Variants in CATSPER1 observed in about 807,000 individuals in gnomAD.
CATSPER1 encodes the protein cation channel sperm associated 1.
In CATSPER1, 57 loss-of-function variants were observed where a neutral mutation model predicts 72.7. That is an observed-to-expected ratio of 0.78 (90% CI 0.63 to 0.98). CATSPER1 has a LOEUF of 0.98. CATSPER1 is among the 50% of genes least tolerant of loss of function. The probability of loss-of-function intolerance (pLI) is 0.00; values close to 1 mark genes in which losing one functional copy is unlikely to be tolerated. For synonymous variants in CATSPER1, 363 were observed against 403.0 expected, an observed-to-expected ratio of 0.90 and a Z score of 1.19; for missense variants, 910 against 1,033.9, an observed-to-expected ratio of 0.88 and a Z score of 1.64.
rs1157949209 is a variant in CATSPER1, at chr11:66,022,856, G to T, written c.1422C>A (p.Ile474=). ...GGACTCCCTGGCTCTTACCGCCCCG[G>T]ATCTCGACTTCAGCGAAGGTCTGGG... The part of the protein sequence containing the change: ...LVAQTFAEVE[I]RGEWYFMALD... Residue 474 remains isoleucine (I), a synonymous_variant, in exon 2 of 12, where the codon ATC becomes ATA. Coordinates refer to ENST00000312106, the MANE Select transcript of CATSPER1 (RefSeq NM_053054.4). The T allele has an allele frequency of 1.9e-6, 3 of 1,614,214 alleles. No individual in the cohort carries two copies. Among genetic ancestry groups the T allele is most frequent in the Non-Finnish European group, 2.5e-6 (3 of 1,180,034 alleles).
Position 66,020,751 on chromosome 11 carries a change from G to T in CATSPER1, c.1927+60C>A. The T allele has an allele frequency of 6.2e-7, 1 of 1,610,774 alleles. No homozygotes were observed. Among genetic ancestry groups the T allele is most frequent in the African/African-American group, 1.3e-5 (1 of 74,966 alleles). On this transcript the variant is annotated intron_variant, in intron 6 of 11. Transcript: ENST00000312106. This position sits in a 1 kb window ranked among gnomAD's most constrained non-coding sequence, Gnocchi z 4.5. Reference sequence around the variant, plus strand: ...CCCACTTTGCCGATGGGGTCACTGAGCCCTGGCCGGTCCACCCCGCCAATC... The same window carrying T: ...CCCACTTTGCCGATGGGGTCACTGATCCCTGGCCGGTCCACCCCGCCAATC...
At position 66,025,271 on chromosome 11, in the gene CATSPER1, AT is replaced by A. The variant is rs753918188; in HGVS notation, c.1108del (p.Ile370SerfsTer60). On this transcript the variant is annotated frameshift_variant, in exon 1 of 12. Coordinates refer to ENST00000312106, the MANE Select transcript of CATSPER1 (RefSeq NM_053054.4). LOFTEE classifies it high-confidence loss of function. ...GGACATCTGGGTGACACGTGAGCGG[AT>A]TGTGCTGGAGGACCGAGTCATGCTG... ...AHSMTRSSST[I>X]RSRVTQMSKK... The A allele has an allele frequency of 1.2e-6, 2 of 1,613,996 alleles. No individual in the cohort carries two copies. Among genetic ancestry groups the A allele is most frequent in the Non-Finnish European group, 1.7e-6 (2 of 1,179,996 alleles).
At chr11:66,023,596 G>A (rs535854105) in intron 1 of CATSPER1, among the ~76,000 whole-genome samples, 2 of 151,868 alleles carry the variant, frequency 1.3e-5, no homozygotes, top group Admixed American at 6.6e-5. Context: ...TGTAATCCCA[G>A]CACTTTGGGA....
rs1478105134 is a variant in CATSPER1, at chr11:66,021,488, C to T, written c.1691+8G>A. On this transcript the variant is annotated splice_region_variant and intron_variant, in intron 4 of 11. Coordinates refer to ENST00000312106, the MANE Select transcript of CATSPER1 (RefSeq NM_053054.4). ...TCCCCACCCCAGGTGGGAGCCGTGG[C>T]CACTGACCTGAGCCTCCGCAGGACC... The T allele has an allele frequency of 1.2e-6, 2 of 1,612,582 alleles. No homozygotes were observed. Among genetic ancestry groups the T allele is most frequent in the Admixed American group, 1.7e-5 (1 of 60,014 alleles).
intron 10 of CATSPER1, 137 bp downstream of exon 10, chr11:66,018,690 C>T (rs1304346084): frequency 2.1e-6 from 2 of 938,576 alleles, no homozygotes; most frequent in Non-Finnish European, 3.3e-6. Context: ...TCGTTGCACC[C>T]ACAGGCTCAT....
intron 9 of CATSPER1, among the ~76,000 whole-genome samples, chr11:66,019,513 G>A (rs1438238948): frequency 6.6e-6 from 1 of 152,004 alleles, no homozygotes; most frequent in Non-Finnish European, 1.5e-5. Flanking sequence ...CTGACCTCAG[G>A]TGATCCGCCC....
chr11:66,025,617 A>G lies in CATSPER1; in HGVS notation c.763T>C (p.Ser255Pro). 6.2e-7 allele frequency: 1 copy of G among 1,611,034 alleles called. No individual in the cohort carries two copies. ...ETISPHSSVG[S>P]YQRGISDYHS... ...TAGTCAGATATCCCACGCTGGTAGG[A>G]CCCCACAGAGGAATGAGGGGAAATG... The change falls in exon 1 of 12, where the codon TCC becomes CCC. Residue 255 changes from serine (S) to proline (P), a missense_variant. Ser to Pro is a moderately conservative substitution (Grantham distance 74). Transcript: ENST00000312106.
At chr11:66,021,901 C>T (rs759188008) in intron 2 of CATSPER1, 22 bp from the exon 3 acceptor site, 1 of 1,566,580 alleles carries the variant, frequency 6.4e-7, no homozygotes, top group South Asian at 1.1e-5. Context: ...CAGGGGTGCA[C>T]TCAGAGCTGT....
intron 10 of CATSPER1, 183 bp downstream of exon 10, chr11:66,018,644 A>G (rs1856287310): frequency 1.6e-6 from 1 of 638,518 alleles, no homozygotes; most frequent in East Asian, 2.8e-5. Flanking sequence ...GGTGGCACAC[A>G]CACCTCTGGA....
rs1426878595 is a variant in CATSPER1, at chr11:66,026,039, T to C, written c.341A>G (p.Asp114Gly). The C allele has an allele frequency of 6.2e-7, 1 of 1,613,982 alleles. No homozygotes were observed. Among genetic ancestry groups the C allele is most frequent in the Non-Finnish European group, 8.5e-7 (1 of 1,179,976 alleles). Residue 114 changes from aspartate (D) to glycine (G), a missense_variant, in exon 1 of 12, where the codon GAC becomes GGC. Asp to Gly is a moderately conservative substitution (Grantham distance 94). Coordinates refer to ENST00000312106, the MANE Select transcript of CATSPER1 (RefSeq NM_053054.4). ...ATCACGTTGGAGCTCATCATGGTAG[T>C]CCTCACCGTAGGAACGGTGGGAGGG... ...AVPSHRSYGE[D>G]YHDELQRDGR...
At chr11:66,022,271 C>G (rs1856390765) in intron 2 of CATSPER1, among the ~76,000 whole-genome samples, 1 of 152,088 alleles carries the variant, frequency 6.6e-6, no homozygotes, top group Admixed American at 6.5e-5. Context: ...ACCCGGGAGG[C>G]GGAGGTTGCA....
intron 1 of CATSPER1, among the ~76,000 whole-genome samples, chr11:66,023,476 G>T (rs1485221631): frequency 1.3e-5 from 2 of 152,104 alleles, no homozygotes; most frequent in Non-Finnish European, 2.9e-5. Flanking sequence ...GGATTCCCAG[G>T]CTCTCTCCAG....
chr11:66,023,420 G>GCA (rs1442736546), intron 1 of CATSPER1, among the ~76,000 whole-genome samples: 3 of 152,132 alleles, frequency 2.0e-5, no homozygotes, highest in Non-Finnish European at 4.4e-5. Context: ...GCTGTCCCCA[G>GCA]CACCCAGTGC....
At chr11:66,024,491 G>C (rs1241227483) in intron 1 of CATSPER1, among the ~76,000 whole-genome samples, 2 of 152,046 alleles carry the variant, frequency 1.3e-5, no homozygotes, top group African/African-American at 2.4e-5. Context: ...TGTTGGCCAG[G>C]CTGGTCTTGA....
intron 1 of CATSPER1, 83 bp downstream of exon 1, chr11:66,025,081 G>A (rs1160725275): frequency 6.4e-7 from 1 of 1,567,726 alleles, no homozygotes; most frequent in Non-Finnish European, 8.8e-7. Flanking sequence ...ACGATCTGCG[G>A]AAGGACAGTG....
intron 10 of CATSPER1, 157 bp downstream of exon 10, chr11:66,018,670 C>G (rs2134986986): frequency 1.3e-6 from 1 of 758,392 alleles, no homozygotes. Flanking sequence ...AGAAGCCACC[C>G]AGGGTCTCCT....
Position 66,020,301 on chromosome 11 carries a change from C to T in CATSPER1, c.2064+16G>A, listed in dbSNP as rs1565070354. 1 of 1,614,158 alleles carries T rather than the reference C, an allele frequency of 6.2e-7. No homozygotes were observed. The highest frequency in any genetic ancestry group is 8.5e-7 in the Non-Finnish European group (1 of 1,180,012). On this transcript the variant is annotated intron_variant, in intron 8 of 11. Transcript: ENST00000312106. The surrounding 1 kb of genome is among the most constrained non-coding windows in gnomAD (Gnocchi z 4.5). ...AGCTTCCTGATCTGGTCCACCTGTCCCACCCCACTCGGTACCTCCTGCTTC... is the reference window on the plus strand; with the variant it reads ...AGCTTCCTGATCTGGTCCACCTGTCTCACCCCACTCGGTACCTCCTGCTTC...
In CATSPER1 at chr11:66,025,514, T is replaced by C. The variant is rs1223644775; in HGVS notation, c.866A>G (p.His289Arg). ...HGDHPHHTQH[H>R]YHQTHRHRDY... is the part of the protein sequence containing the mutation. ...TCGGTGCCGGTGGGTCTGGTGGTAG[T>C]GGTGCTGTGTGTGGTGGGGATGGTC... is the stretch of plus-strand genomic sequence containing the variant. The change falls in exon 1 of 12, where the codon CAC becomes CGC. Residue 289 changes from histidine to arginine, a missense_variant. Transcript: ENST00000312106. 2 of 1,604,908 alleles carry C rather than the reference T, an allele frequency of 1.2e-6. No individual in the cohort carries two copies. The highest frequency in any genetic ancestry group is 1.7e-6 in the Non-Finnish European group (2 of 1,176,372).
chr11:66,018,042 A>T (rs1300055990), intron 10 of CATSPER1, among the ~76,000 whole-genome samples: 1 of 151,830 alleles, frequency 6.6e-6, no homozygotes, highest in Non-Finnish European at 1.5e-5. Flanking sequence ...CTACTAAAAA[A>T]ATATACACAC....
Sources: allele counts gnomAD v4.1 joint callset (sites outside exome capture counted in the v4.1 genomes callset), GRCh38; gene constraint gnomAD v4.1.1; non-coding constraint Gnocchi (gnomAD v3.1); transcripts MANE v1.5; gene names NCBI Gene and HGNC (gene_info 2026-07-23, HGNC 2026-07-21).